The following ADAM28 variants were observed in gnomAD, a reference collection of about 807,000 sequenced individuals.
The protein encoded by ADAM28 is disintegrin and metalloproteinase domain-containing protein 28.
A neutral mutation model predicts 101.2 loss-of-function variants in ADAM28; 105 were observed. The ratio of observed to expected loss-of-function variants is 1.04; its 90% CI spans 0.89 to 1.22. The LOEUF (loss-of-function observed/expected upper bound fraction) is 1.22. Ranked by LOEUF, ADAM28 falls within the 50% of genes most tolerant of loss-of-function variation. The probability of loss-of-function intolerance (pLI) is 0.00; values close to 1 mark genes in which losing one functional copy is unlikely to be tolerated. For missense variants in ADAM28, 1,028 were observed against 945.4 expected (o/e 1.09, Z -1.15); for synonymous variants, 322 against 310.6 (o/e 1.04, Z -0.39).
chr8:24,300,202 GTA>G, intron 2 of ADAM28, 125 bp downstream of exon 2: 1 of 660,986 alleles, frequency 1.5e-6, no homozygotes, highest in Non-Finnish European at 2.4e-6. Flanking sequence ...GTGTGTGTGT[GTA>G]TGTGTGTGCC....
At chr8:24,302,105 A>T (rs1429102803) in intron 2 of ADAM28, among the ~76,000 whole-genome samples, 1 of 152,066 alleles carries the variant, frequency 6.6e-6, no homozygotes, top group Admixed American at 6.6e-5. Context: ...CCCGCCGCCT[A>T]CCACTCCTCA....
intron 8 of ADAM28, 82 bp from the exon 9 acceptor site, chr8:24,323,752 A>C: frequency 7.2e-7 from 1 of 1,382,550 alleles, no homozygotes; most frequent in Non-Finnish European, 9.8e-7. Context: ...ATGAATGTTT[A>C]AAAATACAAA....
chr8:24,349,710 A>G lies in ADAM28; in HGVS notation c.1991-154A>G, dbSNP rs201779033. Among the ~76,000 whole-genome samples, 10 of 152,244 alleles carry G rather than the reference A, an allele frequency of 6.6e-5. No individual in the cohort carries two copies. In the East Asian group the frequency reaches 1.9e-3, roughly 29 times the overall value. On this transcript the variant is annotated intron_variant, in intron 18 of 22. Transcript: ENST00000265769. Reference sequence around the variant, plus strand: ...ACCTAATATTAATATAATTATCCTGATCAAAATACTTTTTCATTTTACTGG... The same window carrying G: ...ACCTAATATTAATATAATTATCCTGGTCAAAATACTTTTTCATTTTACTGG...
At chr8:24,323,029 A>G (rs1812085651) in intron 8 of ADAM28, among the ~76,000 whole-genome samples, 1 of 151,976 alleles carries the variant, frequency 6.6e-6, no homozygotes, top group African/African-American at 2.4e-5. Context: ...AAAATACATA[A>G]TATGGGTGGC....
intron 2 of ADAM28, among the ~76,000 whole-genome samples, chr8:24,308,093 T>C (rs1387178955): frequency 2.0e-5 from 3 of 152,190 alleles, no homozygotes; most frequent in African/African-American, 7.2e-5. Flanking sequence ...GTCATTATTT[T>C]AGAGGAAATT....
chr8:24,305,742 A>C (rs1563269525), intron 2 of ADAM28, among the ~76,000 whole-genome samples: 1 of 152,130 alleles, frequency 6.6e-6, no homozygotes, highest in East Asian at 1.9e-4. Flanking sequence ...TACATTTCCA[A>C]GTTCTCTCCT....
intron 14 of ADAM28, among the ~76,000 whole-genome samples, chr8:24,338,865 C>T (rs975076475): frequency 6.6e-6 from 1 of 152,182 alleles, no homozygotes; most frequent in East Asian, 1.9e-4. Context: ...TAGTATTTGT[C>T]AACCATGTAC....
rs1454224133 is a variant in ADAM28, at chr8:24,312,637, A to G, written c.384-751A>G. On this transcript the variant is annotated intron_variant, in intron 5 of 22. Transcript: ENST00000265769. ...TTCACATCAATTATTATAATTATAT[A>G]TAAGTACTTACTATATAATTATATA... is the stretch of plus-strand genomic sequence containing the variant. Among the ~76,000 whole-genome samples the G allele has an allele frequency of 5.3e-5, 8 of 151,678 alleles. No homozygotes were observed. In the East Asian group the frequency reaches 1.5e-3, roughly 29 times the overall value.
chr8:24,312,264 C>G (rs1406121472), intron 5 of ADAM28, among the ~76,000 whole-genome samples: 1 of 152,110 alleles, frequency 6.6e-6, no homozygotes, highest in Non-Finnish European at 1.5e-5. Context: ...TTAAACCAAA[C>G]TAATGATTGT....
chr8:24,336,257 T>C (rs529961580), intron 14 of ADAM28: 690 of 819,454 alleles, frequency 8.4e-4, no homozygotes, highest in Non-Finnish European at 9.8e-4. Context: ...TTTAAAGAGA[T>C]ATCCGAAAAT....
chr8:24,342,874 A>G (rs1814953506), intron 16 of ADAM28: 2 of 687,972 alleles, frequency 2.9e-6, no homozygotes, highest in South Asian at 2.8e-5. Flanking sequence ...AGTTGTTTGG[A>G]TTTTTAAAAA....
chr8:24,312,468 C>T (rs542488236), intron 5 of ADAM28, among the ~76,000 whole-genome samples: 105 of 152,152 alleles, frequency 6.9e-4, no homozygotes, highest in African/African-American at 2.4e-3. Flanking sequence ...GTCTCTACTA[C>T]GATATCCTAG....
intron 18 of ADAM28, 29 bp from the exon 19 acceptor site, chr8:24,349,834 TC>T (rs756752433): frequency 3.2e-6 from 5 of 1,581,134 alleles, no homozygotes; most frequent in Non-Finnish European, 4.3e-6. Context: ...GTTTCTGCAG[TC>T]CTCAGCGGGC....
intron 15 of ADAM28, among the ~76,000 whole-genome samples, chr8:24,340,453 T>C (rs751350992): frequency 6.6e-6 from 1 of 152,098 alleles, no homozygotes; most frequent in Non-Finnish European, 1.5e-5. Context: ...TAAAAGGCAG[T>C]ATGTGAGGGC....
intron 18 of ADAM28, 120 bp from the exon 19 acceptor site, chr8:24,349,744 A>G: frequency 3.0e-6 from 2 of 674,612 alleles, no homozygotes; most frequent in Non-Finnish European, 5.0e-6. Flanking sequence ...GGCTATGGGA[A>G]TTTATGTTCA....
intron 12 of ADAM28, among the ~76,000 whole-genome samples, chr8:24,332,202 A>G (rs1374125594): frequency 1.3e-5 from 2 of 152,170 alleles, no homozygotes; most frequent in East Asian, 1.9e-4. Context: ...AGACTAAGAC[A>G]AAGTATTTGC....
At chr8:24,329,616 C>T (rs891488386) in intron 10 of ADAM28, among the ~76,000 whole-genome samples, 2 of 152,048 alleles carry the variant, frequency 1.3e-5, no homozygotes, top group African/African-American at 4.8e-5. Context: ...AATTTTAGAT[C>T]CCTGATGGCC....
intron 4 of ADAM28, among the ~76,000 whole-genome samples, chr8:24,310,708 C>T (rs1171240309): frequency 6.6e-6 from 1 of 152,120 alleles, no homozygotes; most frequent in East Asian, 1.9e-4. Context: ...AGGGGTCATG[C>T]ACCATTACCT....
intron 2 of ADAM28, among the ~76,000 whole-genome samples, chr8:24,306,554 C>T (rs899527997): frequency 6.6e-6 from 1 of 151,696 alleles, no homozygotes; most frequent in Non-Finnish European, 1.5e-5. Flanking sequence ...CCTCCATGTG[C>T]AGGATTGTCA....
Sources: gnomAD v4.1 joint callset for allele counts (sites outside exome capture counted in the v4.1 genomes callset) on GRCh38, gnomAD v4.1.1 for gene constraint, MANE v1.5 for transcripts, NCBI Gene and HGNC (gene_info 2026-07-23, HGNC 2026-07-21) for gene names.